GALNT18: variants seen among roughly 807,000 people sequenced by gnomAD.
The protein encoded by GALNT18 is GalNAc-transferase 18.
Under a neutral mutation model 69.5 loss-of-function variants are expected in GALNT18, and 44 were observed. The ratio of observed to expected loss-of-function variants is 0.63; its 90% confidence interval spans 0.50 to 0.81. GALNT18 has a LOEUF of 0.81. Ranked by LOEUF, GALNT18 falls within the 40% of genes least tolerant of loss-of-function variation. GALNT18 has a pLI of 0.00. For missense variants in GALNT18, 715 were observed against 810.0 expected, an observed-to-expected ratio of 0.88 and a Z score of 1.42; for synonymous variants, 364 against 318.2, an observed-to-expected ratio of 1.14 and a Z score of -1.53.
chr11:11,516,888 G>A (rs1281449275), intron 1 of GALNT18, among the ~76,000 whole-genome samples: 1 of 152,314 alleles, frequency 6.6e-6, no homozygotes, highest in Non-Finnish European at 1.5e-5. Context: ...TATGTCCAGT[G>A]CAATGGACTG....
intron 1 of GALNT18, among the ~76,000 whole-genome samples, chr11:11,550,373 C>G (rs1024001784): frequency 2.0e-5 from 3 of 152,196 alleles, no homozygotes; most frequent in Non-Finnish European, 4.4e-5. Context: ...CCACAGTTTT[C>G]CAACTGGACA....
intron 5 of GALNT18, among the ~76,000 whole-genome samples, chr11:11,373,208 G>GACC (rs1850954570): frequency 1.3e-5 from 2 of 152,160 alleles, no homozygotes; most frequent in African/African-American, 4.8e-5. Flanking sequence ...GCAGCTGTGG[G>GACC]TGAGTGACCA....
rs1448312258 is a variant in GALNT18, at chr11:11,435,699, C to T, written c.429-2912G>A. Among the ~76,000 whole-genome samples, 1 of 152,162 alleles carries T rather than the reference C, an allele frequency of 6.6e-6. No homozygotes were observed. Among genetic ancestry groups the T allele is most frequent in the East Asian group, 1.9e-4 (1 of 5,170 alleles). ...GAACCTAACAGCTTGCTTGTTTTAT[C>T]TACGGCCTACATTTTGAGTGTCTGC... On this transcript the variant is annotated intron_variant, in intron 2 of 10. Coordinates refer to ENST00000227756, the MANE Select transcript of GALNT18 (RefSeq NM_198516.3). The surrounding 1 kb of genome is among the most constrained non-coding windows in gnomAD (Gnocchi z 4.4).
rs182575446 is a variant in GALNT18, at chr11:11,537,904, A to G, written c.235+83455T>C. Among the ~76,000 whole-genome samples, 18 of 152,290 alleles carry G rather than the reference A, an allele frequency of 1.2e-4. 1 individual carries two copies. In the East Asian group the frequency reaches 2.7e-3, roughly 23 times the overall value. ...ATCTGTGCACTGTGCATCCTTGGGA[A>G]ATATGACCTGGCCTCCGAATAAAGG... On this transcript the variant is annotated intron_variant, in intron 1 of 10. Transcript: ENST00000227756.
At chr11:11,431,942 G>T (rs181325501) in intron 3 of GALNT18, among the ~76,000 whole-genome samples, 3 of 152,166 alleles carry the variant, frequency 2.0e-5, no homozygotes. Context: ...ATGGCATATG[G>T]GGGGGCAAAG....
At chr11:11,371,315 G>T (rs1341344704) in intron 6 of GALNT18, among the ~76,000 whole-genome samples, 1 of 152,204 alleles carries the variant, frequency 6.6e-6, no homozygotes, top group East Asian at 1.9e-4. Context: ...TTGCCTGCCT[G>T]GTGGGGTAGG....
At chr11:11,558,668 TAAAG>T (rs572303981) in intron 1 of GALNT18, among the ~76,000 whole-genome samples, 121 of 152,348 alleles carry the variant, frequency 7.9e-4, no homozygotes, top group African/African-American at 2.8e-3. Flanking sequence ...AGGGCTGGGA[TAAAG>T]CTCCCCTCTT....
chr11:11,416,992 C>T (rs973721444), intron 3 of GALNT18, among the ~76,000 whole-genome samples: 6 of 152,236 alleles, frequency 3.9e-5, no homozygotes, highest in Non-Finnish European at 8.8e-5. Flanking sequence ...TATGTGACTC[C>T]TCTGCAGCCT....
chr11:11,502,587 C>G (rs1856997064), intron 1 of GALNT18, among the ~76,000 whole-genome samples: 1 of 152,228 alleles, frequency 6.6e-6, no homozygotes, highest in Non-Finnish European at 1.5e-5. Flanking sequence ...CTGCATAATT[C>G]ATCCATTGTG....
In GALNT18 at chr11:11,308,855, C is replaced by G. The variant is rs192776419; in HGVS notation, c.1513-15662G>C. On this transcript the variant is annotated intron_variant, in intron 9 of 10. Coordinates refer to ENST00000227756, the MANE Select transcript of GALNT18 (RefSeq NM_198516.3). ...GGGCAGCATTCACGTTGCACTGTGG[C>G]CTCAATTCTGGGGTGGTATGCTGTG... 2.3e-3 allele frequency among the ~76,000 whole-genome samples: 354 copies of G among 152,290 alleles called. 1 individual carries two copies. Among genetic ancestry groups the G allele is most frequent in the African/African-American group, 7.7e-3 (319 of 41,566 alleles).
intron 1 of GALNT18, among the ~76,000 whole-genome samples, chr11:11,487,950 G>A (rs1484007705): frequency 1.3e-5 from 2 of 152,192 alleles, no homozygotes; most frequent in East Asian, 3.9e-4. Flanking sequence ...AATGGCTTGA[G>A]TGAGGGAGCA....
chr11:11,386,900 G>T (rs533165848), intron 3 of GALNT18, among the ~76,000 whole-genome samples: 1 of 152,104 alleles, frequency 6.6e-6, no homozygotes. Flanking sequence ...TGTTGAAATC[G>T]CAGGCTCCAG....
At chr11:11,395,457 G>T (rs1854304622) in intron 3 of GALNT18, among the ~76,000 whole-genome samples, 1 of 152,224 alleles carries the variant, frequency 6.6e-6, no homozygotes, top group South Asian at 2.1e-4. Context: ...ACCCACATTT[G>T]CTCATTTAGT....
rs1855883952 is a variant in GALNT18 at position 11,454,569 on chromosome 11, T to G, written c.236-5633A>C. ...AGGCTCAGAATCAAAAAGATTCCAC[T>G]GAAGGGTCCAAACATCCCTCTTCCC... On this transcript the variant is annotated intron_variant, in intron 1 of 10. Coordinates refer to ENST00000227756, the MANE Select transcript of GALNT18 (RefSeq NM_198516.3). This position sits in a 1 kb window ranked among gnomAD's most constrained non-coding sequence, Gnocchi z 4.2. 6.6e-6 allele frequency among the ~76,000 whole-genome samples: 1 copy of G among 151,978 alleles called. No homozygotes were observed. Among genetic ancestry groups the G allele is most frequent in the African/African-American group, 2.4e-5 (1 of 41,356 alleles).
chr11:11,321,153 A>G (rs1372188769), intron 9 of GALNT18, among the ~76,000 whole-genome samples: 2 of 152,238 alleles, frequency 1.3e-5, no homozygotes, highest in Admixed American at 1.3e-4. Flanking sequence ...AAGGAATTAG[A>G]GATAAGCAGA....
At chr11:11,359,531 C>T (rs1271947433) in intron 6 of GALNT18, among the ~76,000 whole-genome samples, 2 of 152,096 alleles carry the variant, frequency 1.3e-5, no homozygotes, top group Non-Finnish European at 2.9e-5. Context: ...TTTAGTAATC[C>T]CCCATCTGTC....
At chr11:11,296,697 G>A (rs979230553) in intron 9 of GALNT18, among the ~76,000 whole-genome samples, 2 of 152,166 alleles carry the variant, frequency 1.3e-5, no homozygotes, top group African/African-American at 4.8e-5. Context: ...TTACTATCTG[G>A]TACAGCTGTC....
At chr11:11,489,346 CGGTG>C (rs1856712519) in intron 1 of GALNT18, among the ~76,000 whole-genome samples, 2 of 152,150 alleles carry the variant, frequency 1.3e-5, no homozygotes, top group Non-Finnish European at 2.9e-5. Context: ...CTCAAGGATA[CGGTG>C]CTAGGAGAGG....
At chr11:11,312,483 T>C (rs1038113731) in intron 9 of GALNT18, among the ~76,000 whole-genome samples, 8 of 152,142 alleles carry the variant, frequency 5.3e-5, no homozygotes, top group East Asian at 1.9e-4. Context: ...TTCCAAAGAA[T>C]GGTGGGTGGA....
Sources: gnomAD v4.1 joint callset for allele counts (sites outside exome capture counted in the v4.1 genomes callset) on GRCh38, gnomAD v4.1.1 for gene constraint, Gnocchi (gnomAD v3.1) non-coding constraint, MANE v1.5 for transcripts, NCBI Gene and HGNC (gene_info 2026-07-23, HGNC 2026-07-21) for gene names.